GRIP2: variants seen among roughly 807,000 people sequenced by gnomAD.
GRIP2 encodes the protein glutamate receptor interacting protein 2.
GRIP2 carries 58 observed loss-of-function variants against 108.3 expected under a neutral mutation model. The ratio of observed to expected loss-of-function variants is 0.54; its 90% CI spans 0.43 to 0.67. The LOEUF is 0.67. GRIP2 is among the 30% of genes least tolerant of loss of function. The probability of loss-of-function intolerance (pLI) is 0.00; values close to 1 mark genes in which losing one functional copy is unlikely to be tolerated. For missense variants in GRIP2, 1,278 were observed against 1,430.6 expected, an observed-to-expected ratio of 0.89 and a Z score of 1.72; for synonymous variants, 586 against 598.2, an observed-to-expected ratio of 0.98 and a Z score of 0.30.
intron 1 of GRIP2, among the ~76,000 whole-genome samples, chr3:14,536,914 C>G (rs1044194366): frequency 6.6e-5 from 10 of 152,300 alleles, no homozygotes; most frequent in African/African-American, 2.4e-4. Flanking sequence ...GATGCTCGCC[C>G]TGGCCAGCTC....
chr3:14,512,033 G>A lies in GRIP2; in HGVS notation c.1721-554C>T, dbSNP rs1385864021. On this transcript the variant is annotated intron_variant, in intron 14 of 23. Transcript: ENST00000621039. This position sits in a 1 kb window ranked among gnomAD's most constrained non-coding sequence, Gnocchi z 5.1. Reference sequence around the variant, plus strand: ...GAAACCTGAGAAACGGGCTTGTGTCGAGGGCGGTAAATGTTCAGTCAGGTG... The same window carrying A: ...GAAACCTGAGAAACGGGCTTGTGTCAAGGGCGGTAAATGTTCAGTCAGGTG... Among the ~76,000 whole-genome samples, 2 of 152,208 alleles carry A rather than the reference G, an allele frequency of 1.3e-5. No individual in the cohort carries two copies. The highest frequency in any genetic ancestry group is 1.9e-4 in the East Asian group (1 of 5,192).
intron 1 of GRIP2, among the ~76,000 whole-genome samples, chr3:14,536,741 A>G (rs1289546842): frequency 6.6e-6 from 1 of 152,178 alleles, no homozygotes; most frequent in Non-Finnish European, 1.5e-5. Flanking sequence ...AAAACCAGCA[A>G]TGTCAAGGAA....
chr3:14,494,668 T>G (rs1303471180), intron 23 of GRIP2, among the ~76,000 whole-genome samples, 175 bp downstream of exon 23: 3 of 152,140 alleles, frequency 2.0e-5, no homozygotes, highest in Non-Finnish European at 2.9e-5. Flanking sequence ...GAAAGGTCTG[T>G]GTGTGCTCAG....
At chr3:14,508,611 G>A (rs754072719) in intron 17 of GRIP2, among the ~76,000 whole-genome samples, 41 of 152,066 alleles carry the variant, frequency 2.7e-4, no homozygotes, top group Non-Finnish European at 5.7e-4. Context: ...GGGAATGGTG[G>A]GCTCCGGGAG....
At chr3:14,580,200 T>C in the GRIP2 span, among the ~76,000 whole-genome samples, 11,220 of 152,170 alleles carry the variant, frequency 0.074, 1,344 homozygotes, top group African/African-American at 0.26. Context: ...AAGTAGTCCA[T>C]GGAGACCACA....
chr3:14,494,451 G>C (rs1023671262), intron 23 of GRIP2, among the ~76,000 whole-genome samples: 1 of 152,246 alleles, frequency 6.6e-6, no homozygotes, highest in South Asian at 2.1e-4. Context: ...TGAGGGGTTT[G>C]GTCCATCGGC....
intron 1 of GRIP2, among the ~76,000 whole-genome samples, chr3:14,529,739 G>A (rs1433598165): frequency 6.6e-6 from 1 of 152,070 alleles, no homozygotes; most frequent in East Asian, 1.9e-4. Flanking sequence ...ACTCTTGGGA[G>A]GTATTTCTTC....
chr3:14,569,648 A>C, the GRIP2 span, among the ~76,000 whole-genome samples: 1 of 152,010 alleles, frequency 6.6e-6, no homozygotes, highest in East Asian at 1.9e-4. Flanking sequence ...CAGTATTTTA[A>C]CACCAGCCAC....
At chr3:14,587,697 C>T in the GRIP2 span, among the ~76,000 whole-genome samples, 10 of 151,636 alleles carry the variant, frequency 6.6e-5, no homozygotes, top group Non-Finnish European at 1.5e-5. Flanking sequence ...TCTCAATCTT[C>T]TCATCTGCAA....
chr3:14,534,513 T>C (rs1326653331), intron 1 of GRIP2, among the ~76,000 whole-genome samples: 15 of 149,800 alleles, frequency 1.0e-4, no homozygotes. Context: ...AAAACAGAGA[T>C]ATTTTTATCC....
At chr3:14,518,452 G>A (rs1156484132) in intron 9 of GRIP2, among the ~76,000 whole-genome samples, 1 of 152,176 alleles carries the variant, frequency 6.6e-6, no homozygotes, top group African/African-American at 2.4e-5. Flanking sequence ...CACGGGCTGA[G>A]GCTGCTCCCC....
chr3:14,506,814 G>T lies in GRIP2; in HGVS notation c.2385C>A (p.Gly795=). The part of the protein sequence containing the change: ...ESWDSSATEG[G]FGGPGSYTPQ... ...CCAAGGTATTACCTGGGCCCCCAAA[G>T]CCACCCTCGGTGGCCGAGCTGTCCC... Residue 795 remains glycine (G), a synonymous_variant, in exon 19 of 24, where the codon GGC becomes GGA. Coordinates refer to ENST00000621039, the MANE Select transcript of GRIP2 (RefSeq NM_001080423.4). 6.2e-7 allele frequency: 1 copy of T among 1,600,188 alleles called. No individual in the cohort carries two copies. The highest frequency in any genetic ancestry group is 1.1e-5 in the South Asian group (1 of 88,750).
Position 14,505,069 on chromosome 3 carries a change from T to C in GRIP2, c.2573+546A>G, listed in dbSNP as rs762363500. ...AGAATTTGAGCTGAGTTTTGAGGGA[T>C]GAGTAGGGATTTGCCAGGAGAGACC... On this transcript the variant is annotated intron_variant, in intron 20 of 23. Coordinates refer to ENST00000621039, the MANE Select transcript of GRIP2 (RefSeq NM_001080423.4). The surrounding 1 kb of genome is among the most constrained non-coding windows in gnomAD (Gnocchi z 4.2). Among the ~76,000 whole-genome samples, 6 of 151,906 alleles carry C rather than the reference T, an allele frequency of 3.9e-5. No individual in the cohort carries two copies. The highest frequency in any genetic ancestry group is 8.8e-5 in the Non-Finnish European group (6 of 67,940).
chr3:14,518,427 A>G (rs1694314857), intron 9 of GRIP2, among the ~76,000 whole-genome samples: 1 of 152,128 alleles, frequency 6.6e-6, no homozygotes, highest in Admixed American at 6.5e-5. Context: ...TGGGTTGGCC[A>G]AGGCTGAAGT....
chr3:14,576,397 C>G, the GRIP2 span, among the ~76,000 whole-genome samples: 1 of 152,228 alleles, frequency 6.6e-6, no homozygotes, highest in Non-Finnish European at 1.5e-5. Context: ...TCATCAGCAG[C>G]TGAGGCTGGA....
In GRIP2 at chr3:14,513,827, C is replaced by T. The variant is rs1434670211; in HGVS notation, c.1494-17G>A. The T allele has an allele frequency of 3.1e-6, 5 of 1,610,026 alleles. No homozygotes were observed. The highest frequency in any genetic ancestry group is 1.7e-5 in the Admixed American group (1 of 59,832). On this transcript the variant is annotated splice_polypyrimidine_tract_variant and intron_variant, in intron 12 of 23. Transcript: ENST00000621039. ...AGCCCACACCTGAACCCAGGGGGCCCGGCAGAGAGAAGAGGCTCCGTGACA... is the reference window on the plus strand; with the variant it reads ...AGCCCACACCTGAACCCAGGGGGCCTGGCAGAGAGAAGAGGCTCCGTGACA...
rs768207376 is a variant in GRIP2 at position 14,511,415 on chromosome 3, G to A, written c.1785C>T (p.His595=). Residue 595 remains histidine (H), a splice_region_variant and synonymous_variant, in exon 15 of 24, where the codon CAC becomes CAT. Transcript: ENST00000621039. This position sits in a 1 kb window ranked among gnomAD's most constrained non-coding sequence, Gnocchi z 4.1. ...ISDIKKGSVA[H]RTGTLEPGDK... is the part of the protein sequence containing the mutation. ...TTCCTGTGCCCCAGTGCCCCTACCT[G>A]TGTGCCACGCTGCCTTTCTTGATGT... 1.3e-5 allele frequency: 21 copies of A among 1,613,862 alleles called. No homozygotes were observed. In the South Asian group the frequency reaches 2.2e-4, roughly 17 times the overall value.
upstream of GRIP2, among the ~76,000 whole-genome samples, chr3:14,543,589 C>T (rs925746714): frequency 2.6e-5 from 4 of 152,236 alleles, no homozygotes; most frequent in Non-Finnish European, 4.4e-5. Flanking sequence ...TCCAATGCTG[C>T]CAACTTCAGG....
intron 1 of GRIP2, among the ~76,000 whole-genome samples, chr3:14,529,719 A>G (rs1415624853): frequency 6.6e-6 from 1 of 151,868 alleles, no homozygotes. Context: ...TTATTTTTCC[A>G]TTATCTCAAA....
Sources: allele counts gnomAD v4.1 joint callset (sites outside exome capture counted in the v4.1 genomes callset), GRCh38; gene constraint gnomAD v4.1.1; non-coding constraint Gnocchi (gnomAD v3.1); transcripts MANE v1.5; gene names NCBI Gene and HGNC (gene_info 2026-07-23, HGNC 2026-07-21).